The following SLC44A5 variants were observed in gnomAD, a reference collection of about 807,000 sequenced individuals.
SLC44A5 encodes the protein solute carrier family 44 member 5.
SLC44A5 carries 57 observed loss-of-function variants against 101.8 expected under a neutral mutation model. The observed-to-expected ratio is 0.56, with a 90% confidence interval of 0.45 to 0.70. The LOEUF is 0.70. Ranked by LOEUF, SLC44A5 falls within the 30% of genes least tolerant of loss-of-function variation. The pLI is 0.00. For missense variants in SLC44A5, 737 were observed against 853.1 expected (o/e 0.86, Z 1.70); for synonymous variants, 281 against 290.9 (o/e 0.97, Z 0.35).
At chr1:75,376,175 C>G (rs192841787) in intron 3 of SLC44A5, among the ~76,000 whole-genome samples, 1 of 152,246 alleles carries the variant, frequency 6.6e-6, no homozygotes, top group Non-Finnish European at 1.5e-5. Context: ...ACACCTGGCT[C>G]AGAGGGTCCT....
At chr1:75,619,381 G>A in the SLC44A5 span, among the ~76,000 whole-genome samples, 11 of 152,086 alleles carry the variant, frequency 7.2e-5, no homozygotes, top group African/African-American at 2.4e-4. Context: ...CTGTATAGAT[G>A]TACTTGACCA....
At chr1:75,702,278 C>T in the SLC44A5 span, among the ~76,000 whole-genome samples, 39,334 of 152,026 alleles carry the variant, frequency 0.26, 5,435 homozygotes, top group Middle Eastern at 0.37. Flanking sequence ...GCTACAATAA[C>T]GAAAACAGCA....
intron 3 of SLC44A5, among the ~76,000 whole-genome samples, chr1:75,383,862 C>T (rs1349719853): frequency 6.6e-6 from 1 of 152,126 alleles, no homozygotes; most frequent in Admixed American, 6.5e-5. Context: ...GATCTCTCAG[C>T]AGAAACCCTA....
At chr1:75,324,583 T>A (rs1317026980) in intron 4 of SLC44A5, among the ~76,000 whole-genome samples, 1 of 152,190 alleles carries the variant, frequency 6.6e-6, no homozygotes, top group East Asian at 1.9e-4. Flanking sequence ...CACAAGTGCA[T>A]GCGTACATCA....
chr1:75,351,470 C>T (rs1452697327), intron 3 of SLC44A5, among the ~76,000 whole-genome samples: 1 of 151,984 alleles, frequency 6.6e-6, no homozygotes, highest in African/African-American at 2.4e-5. Flanking sequence ...GTCATTATGA[C>T]CTCAGAGAGA....
the SLC44A5 span, among the ~76,000 whole-genome samples, chr1:75,698,680 A>G: frequency 1.3e-5 from 2 of 152,240 alleles, no homozygotes; most frequent in Admixed American, 6.5e-5. Flanking sequence ...TGAGAGAAGA[A>G]GGCTTCAGAC....
chr1:75,463,783 G>A (rs566491693), intron 2 of SLC44A5, among the ~76,000 whole-genome samples: 1 of 152,234 alleles, frequency 6.6e-6, no homozygotes, highest in South Asian at 2.1e-4. Context: ...AAACTCACTG[G>A]TAATAGTAAG....
At chr1:75,312,855 G>A (rs1043909846) in intron 4 of SLC44A5, among the ~76,000 whole-genome samples, 1 of 152,048 alleles carries the variant, frequency 6.6e-6, no homozygotes, top group African/African-American at 2.4e-5. Context: ...GACAGTTCAT[G>A]ACTCACCTTG....
At chr1:75,222,527 A>T in intron 13 of SLC44A5, 67 bp from the exon 14 acceptor site, 2 of 908,106 alleles carry the variant, frequency 2.2e-6, no homozygotes, top group Non-Finnish European at 3.6e-6. Flanking sequence ...TTCCCTGCAA[A>T]TGCTAGGATT....
intron 3 of SLC44A5, among the ~76,000 whole-genome samples, chr1:75,351,136 A>G (rs904293032): frequency 4.6e-5 from 7 of 151,828 alleles, no homozygotes; most frequent in African/African-American, 1.7e-4. Flanking sequence ...ATTTCATAAT[A>G]ATAAAGGTTC....
At chr1:75,629,001 A>G in the SLC44A5 span, among the ~76,000 whole-genome samples, 1 of 152,200 alleles carries the variant, frequency 6.6e-6, no homozygotes, top group Non-Finnish European at 1.5e-5. Flanking sequence ...GGCATCTTCC[A>G]GCTGGGTGAA....
chr1:75,358,955 A>G (rs1159068831), intron 3 of SLC44A5, among the ~76,000 whole-genome samples: 2 of 152,188 alleles, frequency 1.3e-5, no homozygotes, highest in Non-Finnish European at 2.9e-5. Flanking sequence ...GTGAAACTTT[A>G]TAACCACTGA....
chr1:75,573,127 CAAAAAAAAAAAAA>C (rs745593621), intron 1 of SLC44A5, among the ~76,000 whole-genome samples: 1 of 16,688 alleles, frequency 6.0e-5, no homozygotes, highest in Non-Finnish European at 1.0e-4. Flanking sequence ...GGCTCCATCT[CAAAAAAAAAAAAA>C]AAAAAAAAAA....
At chr1:75,718,895 T>C in the SLC44A5 span, among the ~76,000 whole-genome samples, 2 of 152,242 alleles carry the variant, frequency 1.3e-5, no homozygotes, top group Non-Finnish European at 2.9e-5. Flanking sequence ...TGTCCTTCTC[T>C]CTATATGAGT....
chr1:75,543,233 T>C (rs1195727450), intron 1 of SLC44A5, among the ~76,000 whole-genome samples: 4 of 152,170 alleles, frequency 2.6e-5, no homozygotes, highest in Non-Finnish European at 5.9e-5. Flanking sequence ...ATCAAAAAGC[T>C]GTATTTCACT....
chr1:75,373,205 T>G (rs1051383334), intron 3 of SLC44A5, among the ~76,000 whole-genome samples: 2 of 152,040 alleles, frequency 1.3e-5, no homozygotes. Context: ...CATTATACTT[T>G]GAAAAAATAT....
chr1:75,293,868 T>A (rs796073665), intron 5 of SLC44A5, among the ~76,000 whole-genome samples: 7 of 152,280 alleles, frequency 4.6e-5, no homozygotes, highest in African/African-American at 1.7e-4. Flanking sequence ...TCTGCTCAAG[T>A]AACAGTGAAA....
chr1:75,419,066 C>G (rs756900928), intron 2 of SLC44A5, among the ~76,000 whole-genome samples: 1 of 151,964 alleles, frequency 6.6e-6, no homozygotes, highest in Admixed American at 6.6e-5. Context: ...GTTGAGGAGA[C>G]AGAGATCAGA....
At chr1:75,599,830 T>C (rs1202994696) in intron 1 of SLC44A5, among the ~76,000 whole-genome samples, 3 of 151,956 alleles carry the variant, frequency 2.0e-5, no homozygotes, top group Non-Finnish European at 4.4e-5. Context: ...ATGTGGGAAG[T>C]GGTGGGAAAT....
Sources: allele counts gnomAD v4.1 joint callset (sites outside exome capture counted in the v4.1 genomes callset), GRCh38; gene constraint gnomAD v4.1.1; transcripts MANE v1.5; gene names NCBI Gene and HGNC (gene_info 2026-07-23, HGNC 2026-07-21).